The following NPAS3 variants were observed in gnomAD, a reference collection of about 807,000 sequenced individuals.
The protein encoded by NPAS3 is neuronal PAS domain-containing protein 3.
NPAS3 carries 14 observed loss-of-function variants against 73.1 expected under a neutral mutation model. The observed-to-expected ratio is 0.19, with a 90% confidence interval of 0.13 to 0.30. The LOEUF (loss-of-function observed/expected upper bound fraction) is 0.30. Ranked by LOEUF, NPAS3 falls within the 10% of genes least tolerant of loss-of-function variation. The probability of loss-of-function intolerance (pLI) is 1.00; values close to 1 mark genes in which losing one functional copy is unlikely to be tolerated. For synonymous variants in NPAS3, 620 were observed against 541.5 expected, an observed-to-expected ratio of 1.14 and a Z score of -2.01; for missense variants, 1,096 against 1,250.0, an observed-to-expected ratio of 0.88 and a Z score of 1.86.
At chr14:33,371,589 A>G (rs2046091198) in intron 4 of NPAS3, among the ~76,000 whole-genome samples, 1 of 152,186 alleles carries the variant, frequency 6.6e-6, no homozygotes, top group Non-Finnish European at 1.5e-5. Context: ...ATGCCATTCT[A>G]TACTATGGAT....
chr14:33,188,565 A>T (rs1409587776), intron 2 of NPAS3, among the ~76,000 whole-genome samples: 1 of 152,200 alleles, frequency 6.6e-6, no homozygotes, highest in African/African-American at 2.4e-5. Flanking sequence ...CTTCCTACAC[A>T]TGTGGCATTG....
At chr14:33,477,672 C>A (rs144373555) in intron 4 of NPAS3, among the ~76,000 whole-genome samples, 133 of 152,244 alleles carry the variant, frequency 8.7e-4, no homozygotes, top group Non-Finnish European at 1.7e-3. Context: ...GCCAGAAAAT[C>A]GGAGCTTCTT....
intron 4 of NPAS3, among the ~76,000 whole-genome samples, chr14:33,436,234 C>T (rs78058733): frequency 6.6e-6 from 1 of 152,152 alleles, no homozygotes; most frequent in East Asian, 1.9e-4. Context: ...AAGTCCTCCG[C>T]TGACCAGTAG....
chr14:33,074,707 C>T (rs986808609), intron 2 of NPAS3, among the ~76,000 whole-genome samples: 5 of 152,192 alleles, frequency 3.3e-5, no homozygotes, highest in Non-Finnish European at 5.9e-5. Context: ...GTGAGCCACG[C>T]GCTCGGCCAA....
chr14:33,059,523 C>A, intron 2 of NPAS3, among the ~76,000 whole-genome samples: 1 of 152,092 alleles, frequency 6.6e-6, no homozygotes. Flanking sequence ...AAATATTTTA[C>A]AAATTGTATC....
chr14:32,985,607 G>A (rs2139430122), intron 1 of NPAS3, among the ~76,000 whole-genome samples: 2 of 152,238 alleles, frequency 1.3e-5, no homozygotes, highest in East Asian at 3.9e-4. Context: ...ATGTATGCCA[G>A]CTAGGTATTA....
intron 4 of NPAS3, among the ~76,000 whole-genome samples, chr14:33,420,133 A>G (rs1374801375): frequency 6.6e-6 from 1 of 151,992 alleles, no homozygotes; most frequent in Non-Finnish European, 1.5e-5. Flanking sequence ...ATTTTTGTCA[A>G]TAATTAGCCT....
At chr14:33,267,840 G>A (rs1405457004) in intron 3 of NPAS3, among the ~76,000 whole-genome samples, 1 of 152,090 alleles carries the variant, frequency 6.6e-6, no homozygotes, top group Admixed American at 6.5e-5. Context: ...GAGTGCTATC[G>A]GCACATATTG....
chr14:33,057,982 T>C (rs1476911458), intron 2 of NPAS3, among the ~76,000 whole-genome samples: 1 of 152,232 alleles, frequency 6.6e-6, no homozygotes, highest in Non-Finnish European at 1.5e-5. Context: ...TTTATCTTCC[T>C]ATTTTCTCCA....
At chr14:33,087,722 C>G (rs1428589445) in intron 2 of NPAS3, among the ~76,000 whole-genome samples, 1 of 152,050 alleles carries the variant, frequency 6.6e-6, no homozygotes, top group Non-Finnish European at 1.5e-5. Context: ...ACTCTTCAAG[C>G]AAAGGGCATC....
intron 6 of NPAS3, among the ~76,000 whole-genome samples, chr14:33,714,073 T>C (rs1323902572): frequency 1.3e-5 from 2 of 152,236 alleles, no homozygotes; most frequent in East Asian, 3.9e-4. Flanking sequence ...TCTGGCCACG[T>C]TATTTAAAAT....
chr14:33,215,414 A>G (rs770636387), exon 3 of NPAS3: 2 of 1,613,756 alleles, frequency 1.2e-6, no homozygotes, highest in Non-Finnish European at 1.7e-6. Flanking sequence ...TCCACCTAAC[A>G]CATCAGTAAA....
chr14:33,504,299 A>G (rs752373977), intron 4 of NPAS3, among the ~76,000 whole-genome samples: 11 of 151,990 alleles, frequency 7.2e-5, no homozygotes, highest in Admixed American at 3.3e-4. Context: ...GTTGTGTGTT[A>G]CTGTGCTTAG....
At chr14:33,756,342 T>G (rs1471128991) in intron 7 of NPAS3, among the ~76,000 whole-genome samples, 1 of 152,204 alleles carries the variant, frequency 6.6e-6, no homozygotes, top group Non-Finnish European at 1.5e-5. Context: ...AGTACCCAGT[T>G]GTATTCACGA....
At chr14:33,392,692 G>T (rs2047059074) in intron 4 of NPAS3, among the ~76,000 whole-genome samples, 1 of 152,160 alleles carries the variant, frequency 6.6e-6, no homozygotes, top group African/African-American at 2.4e-5. Flanking sequence ...ATGAAATGGT[G>T]TTATGGTGTG....
chr14:33,747,156 T>C (rs1332753390), intron 7 of NPAS3, among the ~76,000 whole-genome samples: 2 of 151,930 alleles, frequency 1.3e-5, no homozygotes, highest in African/African-American at 4.8e-5. Flanking sequence ...TACTGCAGCA[T>C]TATTCACAAT....
intron 6 of NPAS3, among the ~76,000 whole-genome samples, chr14:33,680,441 T>C (rs2140355866): frequency 6.6e-6 from 1 of 152,346 alleles, no homozygotes; most frequent in South Asian, 2.1e-4. Flanking sequence ...CGTACCCTCC[T>C]AGATTTAGTT....
intron 4 of NPAS3, among the ~76,000 whole-genome samples, chr14:33,428,460 C>T (rs1288382625): frequency 1.3e-5 from 2 of 152,146 alleles, no homozygotes; most frequent in Admixed American, 6.5e-5. Context: ...AAATCCATAC[C>T]TATGTTTGCT....
At chr14:33,405,162 T>G (rs1158159150) in intron 4 of NPAS3, among the ~76,000 whole-genome samples, 1 of 152,090 alleles carries the variant, frequency 6.6e-6, no homozygotes, top group Admixed American at 6.6e-5. Flanking sequence ...TGCATGTTGC[T>G]GCAGCTCTCT....
Sources: allele counts gnomAD v4.1 joint callset (sites outside exome capture counted in the v4.1 genomes callset), GRCh38; gene constraint gnomAD v4.1.1; transcripts MANE v1.5; gene names NCBI Gene and HGNC (gene_info 2026-07-23, HGNC 2026-07-21).